The following PCSK5 variants were observed in gnomAD, a reference collection of about 807,000 sequenced individuals.
PCSK5 encodes prohormone convertase 5.
Under a neutral mutation model 233.2 loss-of-function variants are expected in PCSK5, and 129 were observed. The observed-to-expected ratio is 0.55, with a 90% CI of 0.48 to 0.64. The LOEUF is 0.64. Among genes scored for constraint, PCSK5 ranks in the 30% least tolerant of loss-of-function variants. The pLI is 0.00. For missense variants in PCSK5, 2,076 were observed against 2,430.1 expected (o/e 0.85, Z 3.06); for synonymous variants, 825 against 879.2 (o/e 0.94, Z 1.09).
intron 32 of PCSK5, among the ~76,000 whole-genome samples, chr9:76,326,730 G>A (rs977049111): frequency 1.3e-5 from 2 of 152,198 alleles, no homozygotes; most frequent in Non-Finnish European, 2.9e-5. Context: ...TCAGGTCTGG[G>A]GAACAGCAGG....
chr9:76,104,971 A>G (rs893208926), intron 8 of PCSK5, among the ~76,000 whole-genome samples: 3 of 152,214 alleles, frequency 2.0e-5, no homozygotes, highest in Admixed American at 2.0e-4. Flanking sequence ...TCAGGCTGCA[A>G]ATTCACCCAT....
intron 10 of PCSK5, among the ~76,000 whole-genome samples, chr9:76,148,266 T>C (rs1369857459): frequency 6.6e-6 from 1 of 151,166 alleles, no homozygotes; most frequent in Non-Finnish European, 1.5e-5. Flanking sequence ...TCTTTACTTA[T>C]TCTTTTCTCC....
intron 2 of PCSK5, among the ~76,000 whole-genome samples, chr9:75,965,198 G>C (rs1825522446): frequency 6.6e-6 from 1 of 152,086 alleles, no homozygotes; most frequent in South Asian, 2.1e-4. Context: ...GTTCTCCAGG[G>C]ACCCAGGGCC....
At chr9:76,079,086 AG>A (rs2131616156) in intron 7 of PCSK5, among the ~76,000 whole-genome samples, 1 of 151,406 alleles carries the variant, frequency 6.6e-6, no homozygotes, top group Admixed American at 6.6e-5. Context: ...GTGTGTGGCT[AG>A]TGTGGATGGA....
chr9:76,084,422 G>C (rs1371651306), intron 7 of PCSK5, among the ~76,000 whole-genome samples: 2 of 152,176 alleles, frequency 1.3e-5, no homozygotes, highest in Non-Finnish European at 2.9e-5. Flanking sequence ...ATTAGTAACT[G>C]TGTGGGCAAT....
At chr9:76,237,912 T>C (rs1279564948) in intron 22 of PCSK5, among the ~76,000 whole-genome samples, 1 of 152,240 alleles carries the variant, frequency 6.6e-6, no homozygotes, top group Non-Finnish European at 1.5e-5. Flanking sequence ...AACATTATAC[T>C]GACTCTCAGT....
chr9:76,120,921 G>A (rs921910920), intron 9 of PCSK5, among the ~76,000 whole-genome samples: 47 of 151,986 alleles, frequency 3.1e-4, no homozygotes, highest in African/African-American at 1.1e-3. Context: ...CTGAAATTTG[G>A]GTCAGTAACT....
chr9:75,910,494 C>G (rs1202359018), intron 1 of PCSK5, among the ~76,000 whole-genome samples: 1 of 152,076 alleles, frequency 6.6e-6, no homozygotes. Context: ...ATTTATTGAC[C>G]TTGCCGGTTC....
In PCSK5 at chr9:75,894,128, C is replaced by T. The variant is rs187578255; in HGVS notation, c.192+2755C>T. On this transcript the variant is annotated intron_variant, in intron 1 of 37. Coordinates refer to ENST00000674117, the MANE Select transcript of PCSK5 (RefSeq NM_001372043.1). ...CATTTGGGCTTGGGGTCTCATCTTA[C>T]GTGTTGCAAATTGGAACTGAAACTT... 9.9e-5 allele frequency among the ~76,000 whole-genome samples: 15 copies of T among 152,238 alleles called. No individual in the cohort carries two copies. In the East Asian group the frequency reaches 2.1e-3, roughly 22 times the overall value.
chr9:76,122,963 G>A (rs1027573744), intron 9 of PCSK5, among the ~76,000 whole-genome samples: 3 of 149,740 alleles, frequency 2.0e-5, no homozygotes, highest in African/African-American at 7.4e-5. Context: ...TCAGCCTCCC[G>A]AGTAGCTGGG....
chr9:76,099,507 C>T (rs1831670873), intron 8 of PCSK5, among the ~76,000 whole-genome samples: 1 of 152,146 alleles, frequency 6.6e-6, no homozygotes, highest in South Asian at 2.1e-4. Flanking sequence ...GCCTATCGCA[C>T]CTCAGTTTTT....
intron 33 of PCSK5, among the ~76,000 whole-genome samples, chr9:76,328,739 A>G (rs1829444538): frequency 1.3e-5 from 2 of 152,160 alleles, no homozygotes; most frequent in Non-Finnish European, 2.9e-5. Context: ...TATCCATATT[A>G]CAATTTTCTC....
At chr9:75,929,169 A>G (rs1434686170) in intron 1 of PCSK5, among the ~76,000 whole-genome samples, 2 of 152,140 alleles carry the variant, frequency 1.3e-5, no homozygotes, top group South Asian at 2.1e-4. Context: ...TCTTCACCTC[A>G]TGATCCCCCT....
chr9:76,074,582 G>A lies in PCSK5; in HGVS notation c.894+2684G>A, dbSNP rs568460400. ...GTTTTCATGTGTTTAATACAAATAG[G>A]CTTTCAGGTTAGGCTAGGATTGAGT... On this transcript the variant is annotated intron_variant, in intron 7 of 37. Transcript: ENST00000674117. 4.8e-3 allele frequency among the ~76,000 whole-genome samples: 731 copies of A among 152,170 alleles called. 9 individuals are homozygous for A. The highest frequency in any genetic ancestry group is 0.017 in the African/African-American group (701 of 41,524).
chr9:76,267,227 C>A (rs1321507731), intron 24 of PCSK5, among the ~76,000 whole-genome samples: 4 of 152,038 alleles, frequency 2.6e-5, no homozygotes. Context: ...TGTTCCCATG[C>A]CAGAGAGAAG....
At chr9:76,229,479 C>T (rs79070692) in intron 21 of PCSK5, among the ~76,000 whole-genome samples, 5,887 of 152,294 alleles carry the variant, frequency 0.039, 167 homozygotes, top group Non-Finnish European at 0.06. Flanking sequence ...ACCTAATTTC[C>T]CTGCCCAGTC....
At chr9:76,227,398 T>G in intron 20 of PCSK5, 105 bp from the exon 21 acceptor site, 1 of 745,964 alleles carries the variant, frequency 1.3e-6, no homozygotes, top group Non-Finnish European at 2.3e-6. Flanking sequence ...CTGTGTTGTC[T>G]GCATTGCTTT....
intron 6 of PCSK5, among the ~76,000 whole-genome samples, chr9:76,070,981 A>G (rs1437345487): frequency 6.6e-6 from 1 of 152,158 alleles, no homozygotes; most frequent in Admixed American, 6.5e-5. Flanking sequence ...GGTTGTTTTT[A>G]TGAGCCTCCA....
At chr9:75,893,740 TAACACC>T (rs1825702879) in intron 1 of PCSK5, among the ~76,000 whole-genome samples, 1 of 152,166 alleles carries the variant, frequency 6.6e-6, no homozygotes, top group South Asian at 2.1e-4. Flanking sequence ...TACATACAAA[TAACACC>T]AAGGATGATT....
Sources: gnomAD v4.1 joint callset for allele counts (sites outside exome capture counted in the v4.1 genomes callset) on GRCh38, gnomAD v4.1.1 for gene constraint, MANE v1.5 for transcripts, NCBI Gene and HGNC (gene_info 2026-07-23, HGNC 2026-07-21) for gene names.